The following PTPN13 variants were observed in gnomAD, a reference collection of about 807,000 sequenced individuals.
PTPN13 encodes the protein tyrosine-protein phosphatase non-receptor type 13.
In PTPN13, 191 loss-of-function variants were observed where a neutral mutation model predicts 284.0. The observed-to-expected ratio is 0.67, with a 90% CI of 0.60 to 0.76. The LOEUF (loss-of-function observed/expected upper bound fraction) is 0.76, where lower values mean the gene tolerates loss of function less well. Among genes scored for constraint, PTPN13 ranks in the 30% least tolerant of loss-of-function variants. The pLI is 0.00. For synonymous variants in PTPN13, 986 were observed against 1,022.3 expected (o/e 0.96, Z 0.68); for missense variants, 2,797 against 2,939.9 (o/e 0.95, Z 1.12).
intron 3 of PTPN13, 147 bp from the exon 4 acceptor site, chr4:86,686,561 CAT>C: frequency 1.6e-6 from 1 of 615,394 alleles, no homozygotes; most frequent in Non-Finnish European, 2.8e-6. Flanking sequence ...TTTAAGCTCT[CAT>C]ATACTTTTAT....
At chr4:86,777,383 T>C (rs1252862307) in intron 35 of PTPN13, among the ~76,000 whole-genome samples, 1 of 152,206 alleles carries the variant, frequency 6.6e-6, no homozygotes, top group African/African-American at 2.4e-5. Context: ...TCTCTTTCTG[T>C]GACTCAGACT....
chr4:86,597,179 T>C (rs2149136861), intron 1 of PTPN13, among the ~76,000 whole-genome samples: 1 of 151,996 alleles, frequency 6.6e-6, no homozygotes, highest in East Asian at 1.9e-4. Flanking sequence ...TTTTTTTTTT[T>C]TCCCTGAAAA....
At chr4:86,642,510 T>C (rs1392854806) in intron 2 of PTPN13, among the ~76,000 whole-genome samples, 3 of 133,306 alleles carry the variant, frequency 2.3e-5, no homozygotes, top group Non-Finnish European at 4.6e-5. Context: ...TGGAGTGCAG[T>C]GGTGCAATCT....
chr4:86,806,138 CA>C (rs1744626674), intron 44 of PTPN13, among the ~76,000 whole-genome samples: 1 of 148,996 alleles, frequency 6.7e-6, no homozygotes, highest in South Asian at 2.1e-4. Context: ...GCCTGGGCAA[CA>C]GAGTGAGACT....
intron 1 of PTPN13, among the ~76,000 whole-genome samples, chr4:86,609,246 A>T (rs1019370282): frequency 6.6e-6 from 1 of 152,168 alleles, no homozygotes; most frequent in East Asian, 1.9e-4. Flanking sequence ...TAATTCTTTT[A>T]TTAAGTAAAC....
rs1306657101 is a variant in PTPN13, at chr4:86,741,732, T to A, written c.2403T>A (p.Gly801=). The A allele has an allele frequency of 6.2e-7, 1 of 1,613,578 alleles. No individual in the cohort carries two copies. The highest frequency in any genetic ancestry group is 1.1e-5 in the South Asian group (1 of 90,948). Residue 801 remains glycine, a synonymous_variant, in exon 16 of 48, where the codon GGT becomes GGA. Transcript: ENST00000411767. ...TATTGCTTGGAGTCTGTTCTAAAGG[T>A]GTCCTTGTGTTTGAAGTTCACAATG... The part of the protein sequence containing the change: ...TGILLGVCSK[G]VLVFEVHNGV...
chr4:86,781,944 A>G (rs1741351475), intron 36 of PTPN13, among the ~76,000 whole-genome samples: 1 of 151,552 alleles, frequency 6.6e-6, no homozygotes, highest in African/African-American at 2.4e-5. Context: ...GCCTGGCAAC[A>G]GAGCATGACT....
At chr4:86,613,272 G>A (rs897737196) in intron 1 of PTPN13, among the ~76,000 whole-genome samples, 1 of 152,196 alleles carries the variant, frequency 6.6e-6, no homozygotes, top group African/African-American at 2.4e-5. Flanking sequence ...CATAAGGAAA[G>A]CAGGTGTTCA....
At chr4:86,633,304 C>T (rs781204688) in intron 1 of PTPN13, among the ~76,000 whole-genome samples, 15 of 152,114 alleles carry the variant, frequency 9.9e-5, no homozygotes, top group Non-Finnish European at 1.6e-4. Context: ...CAGTATGTCT[C>T]CTCACTCTTG....
At chr4:86,654,142 G>C (rs985595599) in intron 2 of PTPN13, among the ~76,000 whole-genome samples, 3 of 152,136 alleles carry the variant, frequency 2.0e-5, no homozygotes, top group African/African-American at 7.2e-5. Flanking sequence ...ACATTCAAAA[G>C]CTAGCAGAAG....
At chr4:86,652,995 GT>G (rs987548779) in intron 2 of PTPN13, among the ~76,000 whole-genome samples, 3 of 151,712 alleles carry the variant, frequency 2.0e-5, no homozygotes, top group African/African-American at 7.3e-5. Flanking sequence ...GAGCTCATCA[GT>G]TTTTCCTTCT....
Position 86,771,217 on chromosome 4 carries a change from ACT to A in PTPN13, c.4853_4854del (p.Ser1618PhefsTer14), listed in dbSNP as rs1739959502. On this transcript the variant is annotated frameshift_variant, in exon 31 of 48. Coordinates refer to ENST00000411767, the MANE Select transcript of PTPN13 (RefSeq NM_080683.3). LOFTEE classifies it high-confidence loss of function. ...CAAGTACTTCCAAACAGCAGTAAAG[ACT>A]CTTCTCAGCCATCATGTGTGGAGCA... The A allele has an allele frequency of 1.2e-6, 2 of 1,611,928 alleles. No homozygotes were observed. The highest frequency in any genetic ancestry group is 4.5e-5 in the East Asian group (2 of 44,836).
intron 36 of PTPN13, among the ~76,000 whole-genome samples, chr4:86,780,802 C>G (rs944011504): frequency 1.3e-5 from 2 of 152,022 alleles, no homozygotes; most frequent in African/African-American, 4.8e-5. Context: ...ACTATTGATA[C>G]AAGCAAAAAA....
In PTPN13 at chr4:86,600,457, T is replaced by TA. The variant is rs1376869022; in HGVS notation, c.-6+5668_-6+5669insA. On this transcript the variant is annotated intron_variant, in intron 1 of 47. Coordinates refer to ENST00000411767, the MANE Select transcript of PTPN13 (RefSeq NM_080683.3). ...CTTTTTTTTTTTTTTTTTTTTTTTT[T>TA]TACCTATTCTGATCAGGTAGATTTG... is the stretch of plus-strand genomic sequence containing the variant. Among the ~76,000 whole-genome samples the TA allele has an allele frequency of 2.9e-3, 379 of 132,000 alleles. 1 individual carries two copies. Among genetic ancestry groups the TA allele is most frequent in the African/African-American group, 0.011 (362 of 33,742 alleles). The allele number at this position is 132,000 out of a possible 152,430, so 86.6% of individuals were successfully genotyped here.
At chr4:86,773,050 T>C in intron 32 of PTPN13, 92 bp downstream of exon 32, 1 of 905,684 alleles carries the variant, frequency 1.1e-6, no homozygotes, top group Non-Finnish European at 1.6e-6. Context: ...AAGCTATCTT[T>C]AAAATAGCTT....
intron 47 of PTPN13, among the ~76,000 whole-genome samples, chr4:86,814,093 C>T (rs746029695): frequency 3.3e-5 from 5 of 150,156 alleles, no homozygotes; most frequent in East Asian, 2.0e-4. Context: ...CTGCAACCTC[C>T]GCCTCCTGTG....
chr4:86,598,286 A>G (rs778143952), intron 1 of PTPN13, among the ~76,000 whole-genome samples: 2 of 152,004 alleles, frequency 1.3e-5, no homozygotes, highest in Non-Finnish European at 2.9e-5. Context: ...CTGGGATTAC[A>G]GGCGTGTGCT....
chr4:86,678,622 T>G (rs975159861), intron 3 of PTPN13, among the ~76,000 whole-genome samples: 1 of 152,214 alleles, frequency 6.6e-6, no homozygotes, highest in Non-Finnish European at 1.5e-5. Context: ...AACTCAATGT[T>G]TCTTCTTATA....
intron 2 of PTPN13, among the ~76,000 whole-genome samples, chr4:86,654,230 C>T (rs1725465568): frequency 6.6e-6 from 1 of 152,064 alleles, no homozygotes; most frequent in African/African-American, 2.4e-5. Context: ...TCAATGAATC[C>T]AGGAGCTGGT....
Sources: gnomAD v4.1 joint callset for allele counts (sites outside exome capture counted in the v4.1 genomes callset) on GRCh38, gnomAD v4.1.1 for gene constraint, MANE v1.5 for transcripts, NCBI Gene and HGNC (gene_info 2026-07-23, HGNC 2026-07-21) for gene names.